Variants in USP35 observed in about 807,000 individuals in gnomAD.
USP35 encodes the protein ubiquitin specific peptidase 35, also known as ubiquitin carboxyl-terminal hydrolase 35.
Under a neutral mutation model 83.8 loss-of-function variants are expected in USP35, and 69 were observed. The observed-to-expected ratio is 0.82, with a 90% CI of 0.68 to 1.01. The LOEUF is 1.01. Ranked by LOEUF, USP35 falls within the 50% of genes least tolerant of loss-of-function variation. USP35 has a pLI of 0.00. For missense variants in USP35, 1,503 were observed against 1,362.5 expected (o/e 1.10, Z -1.62); for synonymous variants, 714 against 589.5 (o/e 1.21, Z -3.06).
chr11:78,234,779 G>T, the USP35 span, among the ~76,000 whole-genome samples: 1 of 151,958 alleles, frequency 6.6e-6, no homozygotes, highest in Non-Finnish European at 1.5e-5. Flanking sequence ...TATAAATCCT[G>T]ACTTTATTGT....
At chr11:78,224,004 G>C in the USP35 span, among the ~76,000 whole-genome samples, 37,588 of 152,012 alleles carry the variant, frequency 0.25, 6,115 homozygotes, top group Non-Finnish European at 0.37. Flanking sequence ...ATCGCTTGAA[G>C]CTGGGAGGCC....
At position 78,213,981 on chromosome 11, in the gene USP35, C is replaced by T. The variant is rs923801121; in HGVS notation, c.*168C>T. On this transcript the variant is annotated 3_prime_UTR_variant, in exon 11 of 11. Transcript: ENST00000529308. The stretch of plus-strand genomic sequence containing the variant: ...ATTCTCTCAGATATGGAAGTAAGAC[C>T]TAAGTCCCTTTCATTGGGGATCAGT... The T allele has an allele frequency of 2.2e-5, 16 of 714,194 alleles. No individual in the cohort carries two copies. The highest frequency in any genetic ancestry group is 3.1e-5 in the Non-Finnish European group (15 of 484,856). 44.2% of individuals were successfully genotyped at this position (714,194 alleles called of 1,614,324 possible).
Position 78,209,611 on chromosome 11 carries a change from G to A in USP35, c.1756G>A (p.Val586Ile), listed in dbSNP as rs141474572. Residue 586 changes from valine to isoleucine, a missense_variant, in exon 10 of 11, where the codon GTC becomes ATC. Coordinates refer to ENST00000529308, the MANE Select transcript of USP35 (RefSeq NM_020798.4). ...GATCTGCTGTCTCTGCTGCCTCAAC[G>A]TCTCCTCCCGGGAGGAGGCCTTCAC... The part of the protein sequence containing the change: ...TRICCLCCLN[V>I]SSREEAFTDL... The A allele has an allele frequency of 2.9e-4, 471 of 1,614,096 alleles. 1 individual carries two copies. The African/African-American group carries it at 4.0e-3, about 14-fold the overall frequency.
chr11:78,193,955 C>T (rs1863071548), intron 1 of USP35, among the ~76,000 whole-genome samples: 1 of 152,268 alleles, frequency 6.6e-6, no homozygotes, highest in African/African-American at 2.4e-5. Flanking sequence ...TGGTGTTGAA[C>T]TCCTGGGCTC....
chr11:78,236,660 A>C, the USP35 span, among the ~76,000 whole-genome samples: 1 of 152,136 alleles, frequency 6.6e-6, no homozygotes, highest in African/African-American at 2.4e-5. Context: ...TTTGCTAAGA[A>C]ATACTTTTTT....
At chr11:78,232,734 T>G in the USP35 span, among the ~76,000 whole-genome samples, 3 of 152,152 alleles carry the variant, frequency 2.0e-5, no homozygotes, top group Admixed American at 6.5e-5. Flanking sequence ...ACAATCAGGT[T>G]CCCACATAAA....
chr11:78,226,731 A>G, the USP35 span: 127 of 1,613,866 alleles, frequency 7.9e-5, no homozygotes, highest in African/African-American at 1.3e-3. Context: ...CGGAACATCC[A>G]TATTGTCTAC....
chr11:78,231,158 A>G, the USP35 span, among the ~76,000 whole-genome samples: 1 of 152,226 alleles, frequency 6.6e-6, no homozygotes, highest in South Asian at 2.1e-4. Context: ...GAAGATACTC[A>G]AACACAAGCA....
chr11:78,221,718 T>A, the USP35 span: 1 of 1,613,720 alleles, frequency 6.2e-7, no homozygotes, highest in Admixed American at 1.7e-5. Context: ...GAGTCTGTGC[T>A]GGTGATGCTC....
At chr11:78,200,897 G>T (rs924140000) in intron 6 of USP35, 89 bp downstream of exon 6, 19 of 1,492,916 alleles carry the variant, frequency 1.3e-5, no homozygotes, top group Non-Finnish European at 1.6e-5. Flanking sequence ...CAGCTTGGTG[G>T]CAGTCCCCGT....
At chr11:78,220,565 T>A in the USP35 span, 1 of 734,478 alleles carries the variant, frequency 1.4e-6, no homozygotes, top group Non-Finnish European at 2.1e-6. Flanking sequence ...ACATGCACCA[T>A]GCTAAGGACT....
rs1412894466 is a variant in USP35 at position 78,210,437 on chromosome 11, G to A, written c.2582G>A (p.Gly861Asp). Residue 861 changes from glycine (G) to aspartate (D), a missense_variant, in exon 10 of 11, where the codon GGT (glycine) becomes GAT (aspartate). Physicochemically the swap from Gly to Asp is moderately conservative, Grantham distance 94. Transcript: ENST00000529308. ...VVHSGVSSESGHYYCYAREGA... is the reference protein window; with the variant it reads ...VVHSGVSSESDHYYCYAREGA... Reference sequence around the variant, plus strand: ...CACTCTGGAGTGTCTTCGGAGAGTGGTCACTACTACTGCTATGCCCGTGAG... The same window carrying A: ...CACTCTGGAGTGTCTTCGGAGAGTGATCACTACTACTGCTATGCCCGTGAG... 1 of 1,614,146 alleles carries A rather than the reference G, an allele frequency of 6.2e-7. No individual in the cohort carries two copies. The highest frequency in any genetic ancestry group is 1.3e-5 in the African/African-American group (1 of 75,066).
chr11:78,205,850 T>G lies in USP35; in HGVS notation c.1206T>G (p.His402Gln), dbSNP rs1207479443. 16 of 1,612,806 alleles carry G rather than the reference T, an allele frequency of 9.9e-6. No individual in the cohort carries two copies. Among genetic ancestry groups the G allele is most frequent in the Non-Finnish European group, 1.4e-5 (16 of 1,179,148 alleles). Residue 402 changes from histidine (H) to glutamine (Q), a missense_variant, in exon 7 of 11, where the codon CAT becomes CAG. By Grantham distance (24) the His-to-Gln change is conservative. Coordinates refer to ENST00000529308, the MANE Select transcript of USP35 (RefSeq NM_020798.4). ...EPVMEAIKDLHVPNEDRIKQL... is the reference protein window; with the variant it reads ...EPVMEAIKDLQVPNEDRIKQL... ...GCTTATTCCCTCCTCAGGACCTCCA[T>G]GTTCCCAATGAGGACCGCATCAAGC...
rs201487088 is a variant in USP35 at position 78,209,507 on chromosome 11, C to T, written c.1652C>T (p.Ser551Leu). ...TGCCAGAAACTCAAGCAGTCCAGCT[C>T]GCCCTCTCCGCCCGAGGAGCCCCCG... ...RICQKLKQSSSPSPPEEPPAP... is the reference protein window; with the variant it reads ...RICQKLKQSSLPSPPEEPPAP... Residue 551 changes from serine to leucine, a missense_variant, in exon 10 of 11, where the codon TCG (serine) becomes TTG (leucine). By Grantham distance (145) the Ser-to-Leu change is moderately radical. Transcript: ENST00000529308. 3.2e-4 allele frequency: 512 copies of T among 1,613,790 alleles called. 1 individual carries two copies. Among genetic ancestry groups the T allele is most frequent in the Admixed American group, 1.8e-3 (110 of 60,002 alleles).
the USP35 span, among the ~76,000 whole-genome samples, chr11:78,226,255 C>T: frequency 1.3e-5 from 2 of 152,198 alleles, no homozygotes; most frequent in African/African-American, 4.8e-5. Context: ...CTGGGGCTAG[C>T]TCTGTTAGAC....
Position 78,196,460 on chromosome 11 carries a change from A to G in USP35, c.215A>G (p.His72Arg). 1.6e-6 allele frequency: 2 copies of G among 1,253,022 alleles called. No individual in the cohort carries two copies. The highest frequency in any genetic ancestry group is 2.0e-6 in the Non-Finnish European group (2 of 998,350). 77.6% of individuals were successfully genotyped at this position (1,253,022 alleles called of 1,614,324 possible). Residue 72 changes from histidine to arginine, a missense_variant, in exon 2 of 11, where the codon CAC (histidine) becomes CGC (arginine). His to Arg is a conservative substitution (Grantham distance 29). Transcript: ENST00000529308. This position sits in a 1 kb window ranked among gnomAD's most constrained non-coding sequence, Gnocchi z 4.8. The part of the protein sequence containing the change: ...CQLLHVAGRH[H>R]PDVFAEFFSA... ...CTGCTGCACGTGGCCGGCCGCCACC[A>G]CCCCGACGTCTTCGCCGAGTTCTTC...
In USP35 at chr11:78,214,863, A is replaced by AGTAAAC. The variant is rs1864036090; in HGVS notation, c.*1053_*1058dup. ...ACTGAATCTACTGAAGTGGGGTGTA[A>AGTAAAC]GTAAACGTGTGGACTGACTGACTTA... On this transcript the variant is annotated 3_prime_UTR_variant, in exon 11 of 11. Transcript: ENST00000529308. Among the ~76,000 whole-genome samples the AGTAAAC allele has an allele frequency of 6.8e-6, 1 of 147,180 alleles. No homozygotes were observed. Among genetic ancestry groups the AGTAAAC allele is most frequent in the African/African-American group, 2.6e-5 (1 of 38,360 alleles).
rs1565402892 is a variant in USP35, at chr11:78,210,054, AGAC to A, written c.2200_2202del (p.Asp734del). The A allele has an allele frequency of 1.2e-6, 2 of 1,613,678 alleles. No individual in the cohort carries two copies. The highest frequency in any genetic ancestry group is 1.3e-5 in the African/African-American group (1 of 74,876). ...AGGAGGCTGAGCAGGAAAAGGAAGAAGACAGCCTGGGAGCGGGGACCCACCCGG... is the reference window on the plus strand; with the variant it reads ...AGGAGGCTGAGCAGGAAAAGGAAGAAAGCCTGGGAGCGGGGACCCACCCGG... On this transcript the variant is annotated inframe_deletion, in exon 10 of 11. Transcript: ENST00000529308.
intron 1 of USP35, among the ~76,000 whole-genome samples, chr11:78,191,403 G>C (rs1863000778): frequency 6.6e-6 from 1 of 152,242 alleles, no homozygotes; most frequent in Non-Finnish European, 1.5e-5. Context: ...AGGGCGAGGG[G>C]TATGAGGCAA....
Sources: allele counts gnomAD v4.1 joint callset (sites outside exome capture counted in the v4.1 genomes callset), GRCh38; gene constraint gnomAD v4.1.1; non-coding constraint Gnocchi (gnomAD v3.1); transcripts MANE v1.5; gene names NCBI Gene and HGNC (gene_info 2026-07-23, HGNC 2026-07-21).